Variants in MACO1 observed in about 807,000 individuals in gnomAD.
MACO1 encodes the protein macoilin.
Under a neutral mutation model 78.7 loss-of-function variants are expected in MACO1, and 14 were observed. That is an observed-to-expected ratio of 0.18 (90% CI 0.12 to 0.28). The LOEUF (loss-of-function observed/expected upper bound fraction) is 0.28. Among genes scored for constraint, MACO1 ranks in the 10% least tolerant of loss-of-function variants. The probability of loss-of-function intolerance (pLI) is 1.00; values close to 1 mark genes in which losing one functional copy is unlikely to be tolerated. For synonymous variants in MACO1, 288 were observed against 291.6 expected, an observed-to-expected ratio of 0.99 and a Z score of 0.12; for missense variants, 501 against 799.0, an observed-to-expected ratio of 0.63 and a Z score of 4.50.
intron 1 of MACO1, among the ~76,000 whole-genome samples, chr1:25,437,161 G>T (rs1309201742): frequency 1.3e-5 from 2 of 149,012 alleles, no homozygotes; most frequent in African/African-American, 5.0e-5. Context: ...TTGAGACAGG[G>T]TCTCATTCTG....
At chr1:25,439,988 A>T (rs1217807982) in intron 1 of MACO1, among the ~76,000 whole-genome samples, 1 of 148,530 alleles carries the variant, frequency 6.7e-6, no homozygotes, top group Non-Finnish European at 1.5e-5. Context: ...ATTGCATTCT[A>T]GCCTGGGCAA....
At chr1:25,456,437 C>G (rs564856262) in intron 4 of MACO1, among the ~76,000 whole-genome samples, 4 of 152,164 alleles carry the variant, frequency 2.6e-5, no homozygotes, top group Non-Finnish European at 5.9e-5. Context: ...GTCTAGCAGT[C>G]CTGTTGTTCC....
At chr1:25,496,498 A>G (rs968303330) in intron 10 of MACO1, among the ~76,000 whole-genome samples, 9 of 152,292 alleles carry the variant, frequency 5.9e-5, no homozygotes, top group African/African-American at 2.2e-4. Flanking sequence ...GTGCTTTTAC[A>G]TATACCAATC....
chr1:25,488,503 C>CT (rs1283192031), intron 8 of MACO1, among the ~76,000 whole-genome samples: 6 of 148,694 alleles, frequency 4.0e-5, no homozygotes, highest in Non-Finnish European at 6.0e-5. Context: ...TTTTTTTTTT[C>CT]TTTTTTTTGA....
At chr1:25,445,950 T>G (rs949486745) in intron 1 of MACO1, among the ~76,000 whole-genome samples, 10 of 152,224 alleles carry the variant, frequency 6.6e-5, no homozygotes, top group Non-Finnish European at 1.3e-4. Flanking sequence ...ACTGGAAAAT[T>G]GACCTATAGA....
chr1:25,446,894 C>G lies in MACO1; in HGVS notation c.213C>G (p.Tyr71Ter). Residue 71 changes from tyrosine (Y) to a stop codon, truncating the protein, a stop_gained, in exon 2 of 11, where the codon TAC becomes TAG. Coordinates refer to ENST00000374343, the MANE Select transcript of MACO1 (RefSeq NM_018202.6). LOFTEE classifies it high-confidence loss of function. ...FIRSVYDSFR[Y>*]QGLAFSVFFV... The stretch of plus-strand genomic sequence containing the variant: ...GAAGCGTCTATGATTCCTTCAGATA[C>G]CAGGGACTGGTATGTCTGGTAATAC... The G allele has an allele frequency of 6.2e-7, 1 of 1,612,734 alleles. No individual in the cohort carries two copies. Among genetic ancestry groups the G allele is most frequent in the Non-Finnish European group, 8.5e-7 (1 of 1,179,556 alleles).
chr1:25,485,625 T>G lies in MACO1; in HGVS notation c.1326T>G (p.Ala442=), dbSNP rs1165162951. 6.2e-7 allele frequency: 1 copy of G among 1,613,674 alleles called. No homozygotes were observed. The highest frequency in any genetic ancestry group is 1.1e-5 in the South Asian group (1 of 90,978). Reference sequence around the variant, plus strand: ...CATTTCCATATAGGTTACATAATGCTGTGCAAATGAAGCAAAAAGACAAGC... The same window carrying G: ...CATTTCCATATAGGTTACATAATGCGGTGCAAATGAAGCAAAAAGACAAGC... ...NELLQNKLHN[A]VQMKQKDKQN... is the part of the protein sequence containing the mutation. The change falls in exon 8 of 11, where the codon GCT becomes GCG. Residue 442 remains alanine, a synonymous_variant. Coordinates refer to ENST00000374343, the MANE Select transcript of MACO1 (RefSeq NM_018202.6). The surrounding 1 kb of genome is among the most constrained non-coding windows in gnomAD (Gnocchi z 4.3).
intron 6 of MACO1, among the ~76,000 whole-genome samples, chr1:25,464,104 T>TATA (rs1177225589): frequency 6.6e-6 from 1 of 152,170 alleles, no homozygotes; most frequent in Non-Finnish European, 1.5e-5. Context: ...CTACCTAATG[T>TATA]ATAATATACA....
chr1:25,489,889 C>T (rs1033604379), intron 9 of MACO1, among the ~76,000 whole-genome samples: 13 of 151,116 alleles, frequency 8.6e-5, no homozygotes, highest in Admixed American at 4.6e-4. Flanking sequence ...AGTACAGTAC[C>T]GAAAAAAATA....
At chr1:25,445,329 G>T (rs1358106467) in intron 1 of MACO1, among the ~76,000 whole-genome samples, 3 of 150,254 alleles carry the variant, frequency 2.0e-5, no homozygotes, top group East Asian at 2.0e-4. Context: ...GCGTTCTTTT[G>T]TGATTTGCTT....
rs368114588 is a variant in MACO1, at chr1:25,485,804, A to G, written c.1496+9A>G. On this transcript the variant is annotated intron_variant, in intron 8 of 10. Transcript: ENST00000374343. This position sits in a 1 kb window ranked among gnomAD's most constrained non-coding sequence, Gnocchi z 4.3. ...TTTGCTGCTGCATCTAGGTATGTCC[A>G]TGTCACCTGAGTGTTTAATCCAAGG... The G allele has an allele frequency of 1.1e-5, 18 of 1,602,140 alleles. No homozygotes were observed. The African/African-American group carries it at 2.2e-4, about 19-fold the overall frequency.
intron 1 of MACO1, among the ~76,000 whole-genome samples, chr1:25,441,164 A>G (rs1206561224): frequency 6.6e-6 from 1 of 151,440 alleles, no homozygotes; most frequent in African/African-American, 2.4e-5. Flanking sequence ...AGTCCTAAAC[A>G]CTTTTCTACA....
At chr1:25,478,871 A>G (rs557346814) in intron 6 of MACO1, among the ~76,000 whole-genome samples, 1 of 152,370 alleles carries the variant, frequency 6.6e-6, no homozygotes, top group South Asian at 2.1e-4. Context: ...CTGGTTCCAC[A>G]AGAATTAGGC....
chr1:25,451,618 A>G (rs934118842), intron 3 of MACO1, among the ~76,000 whole-genome samples: 10 of 152,098 alleles, frequency 6.6e-5, no homozygotes, highest in Non-Finnish European at 7.4e-5. Context: ...GAAAATACCT[A>G]TTTTTGGGCT....
In MACO1 at chr1:25,458,908, G is replaced by A; in HGVS notation, c.1154+16G>A. On this transcript the variant is annotated intron_variant, in intron 6 of 10. Transcript: ENST00000374343. ...CACTGGTCAGGTAAGTGCACATGCT[G>A]CATCCTTACTAACACTTTCCAGTAA... 6.3e-7 allele frequency: 1 copy of A among 1,599,366 alleles called. No individual in the cohort carries two copies. Among genetic ancestry groups the A allele is most frequent in the Non-Finnish European group, 8.5e-7 (1 of 1,172,492 alleles).
intron 6 of MACO1, among the ~76,000 whole-genome samples, chr1:25,473,673 GT>G (rs1004379709): frequency 1.3e-5 from 2 of 152,196 alleles, no homozygotes; most frequent in Non-Finnish European, 2.9e-5. Context: ...ATCTAAGGGG[GT>G]TAGGGGTGGA....
chr1:25,487,928 G>A (rs1455084538), intron 8 of MACO1, among the ~76,000 whole-genome samples: 2 of 152,088 alleles, frequency 1.3e-5, no homozygotes, highest in African/African-American at 4.8e-5. Context: ...TATCTATGTA[G>A]CCTCAGTTTT....
chr1:25,482,001 A>G (rs2043383276), intron 6 of MACO1, among the ~76,000 whole-genome samples: 1 of 152,198 alleles, frequency 6.6e-6, no homozygotes. Flanking sequence ...ATGTCAGGCA[A>G]CATTTATTGA....
chr1:25,440,199 A>G (rs2042957252), intron 1 of MACO1, among the ~76,000 whole-genome samples: 1 of 147,700 alleles, frequency 6.8e-6, no homozygotes, highest in South Asian at 2.2e-4. Context: ...ATGTTGACCA[A>G]TCTGGGCAAC....
Sources: allele counts gnomAD v4.1 joint callset (sites outside exome capture counted in the v4.1 genomes callset), GRCh38; gene constraint gnomAD v4.1.1; non-coding constraint Gnocchi (gnomAD v3.1); transcripts MANE v1.5; gene names NCBI Gene and HGNC (gene_info 2026-07-23, HGNC 2026-07-21).